The following FIRRM variants were observed in gnomAD, a reference collection of about 807,000 sequenced individuals.
The protein encoded by FIRRM is FIGNL1-interacting regulator of recombination and mitosis.
chr1:169,853,004 G>GAACTGGCAA, the FIRRM span: 2 of 1,612,314 alleles, frequency 1.2e-6, no homozygotes, highest in East Asian at 4.5e-5. Context: ...TCACTAGGCA[G>GAACTGGCAA]AACTGGGTTT....
chr1:169,851,881 T>G, the FIRRM span: 1 of 1,614,096 alleles, frequency 6.2e-7, no homozygotes, highest in Non-Finnish European at 8.5e-7. Flanking sequence ...AAAGGTATTT[T>G]CTGGGAACCC....
At chr1:169,811,209 G>A in the FIRRM span, among the ~76,000 whole-genome samples, 1 of 151,990 alleles carries the variant, frequency 6.6e-6, no homozygotes, top group African/African-American at 2.4e-5. Flanking sequence ...TATTTGTGTG[G>A]CCCTTAGAAC....
At chr1:169,825,875 A>G in the FIRRM span, among the ~76,000 whole-genome samples, 1 of 152,224 alleles carries the variant, frequency 6.6e-6, no homozygotes, top group Admixed American at 6.5e-5. Flanking sequence ...AATGTGGCAA[A>G]AAATATAGAA....
the FIRRM span, chr1:169,795,096 C>T: frequency 1.3e-6 from 2 of 1,534,440 alleles, no homozygotes; most frequent in African/African-American, 1.4e-5. Flanking sequence ...TCCTGTTTGA[C>T]GAAAGTATGT....
At chr1:169,826,135 A>C in the FIRRM span, 188,113 of 258,604 alleles carry the variant, frequency 0.73, 70,241 homozygotes, top group African/African-American at 0.92. Flanking sequence ...TGCAATGGCG[A>C]AATCTCGGCT....
the FIRRM span, chr1:169,829,486 A>G: frequency 6.5e-7 from 1 of 1,533,372 alleles, no homozygotes; most frequent in Non-Finnish European, 8.8e-7. Context: ...CTAAGGTTAC[A>G]CTTTTGCTTT....
the FIRRM span, chr1:169,852,839 G>A: frequency 6.2e-7 from 1 of 1,614,126 alleles, no homozygotes; most frequent in Admixed American, 1.7e-5. Context: ...GAAGAGTACA[G>A]GTCAGCGCTG....
the FIRRM span, among the ~76,000 whole-genome samples, chr1:169,836,168 A>G: frequency 1.1e-4 from 17 of 151,876 alleles, no homozygotes; most frequent in Non-Finnish European, 2.2e-4. Flanking sequence ...ATACACTAAT[A>G]TACTTCCTAG....
the FIRRM span, among the ~76,000 whole-genome samples, chr1:169,789,172 C>T: frequency 6.6e-6 from 1 of 152,138 alleles, no homozygotes; most frequent in Non-Finnish European, 1.5e-5. Flanking sequence ...GCCATCATAA[C>T]CATGGTATAA....
chr1:169,830,576 C>A, the FIRRM span: 2 of 980,154 alleles, frequency 2.0e-6, no homozygotes, highest in South Asian at 1.5e-5. Context: ...ATTATTTGGT[C>A]ATGGAAATAA....
chr1:169,843,568 ATACTT>A, the FIRRM span: 1 of 679,482 alleles, frequency 1.5e-6, no homozygotes, highest in Non-Finnish European at 2.6e-6. Context: ...TAAATATAAA[ATACTT>A]AACATATTAC....
At chr1:169,848,997 T>G in the FIRRM span, among the ~76,000 whole-genome samples, 1 of 152,170 alleles carries the variant, frequency 6.6e-6, no homozygotes, top group Non-Finnish European at 1.5e-5. Context: ...TGAACCAAAC[T>G]AATAAATCCC....
chr1:169,801,731 A>G, the FIRRM span, among the ~76,000 whole-genome samples: 622 of 152,296 alleles, frequency 4.1e-3, 5 homozygotes, highest in African/African-American at 0.013. Context: ...AAGCACAAGC[A>G]TACCTTTTTT....
chr1:169,800,270 C>G, the FIRRM span, among the ~76,000 whole-genome samples: 1 of 151,952 alleles, frequency 6.6e-6, no homozygotes, highest in Non-Finnish European at 1.5e-5. Context: ...GTCTTTAACT[C>G]CTGGGCTCAG....
At chr1:169,833,846 CTTTTTTTTTT>C in the FIRRM span, among the ~76,000 whole-genome samples, 1 of 96,056 alleles carries the variant, frequency 1.0e-5, no homozygotes, top group African/African-American at 4.2e-5. Flanking sequence ...AGTCACTTTC[CTTTTTTTTTT>C]TTTTTTTTTT....
the FIRRM span, among the ~76,000 whole-genome samples, chr1:169,833,756 C>A: frequency 6.8e-6 from 1 of 147,186 alleles, no homozygotes; most frequent in African/African-American, 2.5e-5. Context: ...TGCTTGCTTA[C>A]AAAAGAATTT....
the FIRRM span, chr1:169,795,764 C>A: frequency 1.0e-6 from 1 of 985,296 alleles, no homozygotes; most frequent in Non-Finnish European, 1.2e-6. Context: ...TCCTCCTTCC[C>A]CTCTCAGACC....
the FIRRM span, among the ~76,000 whole-genome samples, chr1:169,811,728 AATAGATAATAGACAGATTATCTAAATAG>A: frequency 6.8e-6 from 1 of 146,632 alleles, no homozygotes; most frequent in Non-Finnish European, 1.5e-5. Flanking sequence ...AGATTATCTA[AATAGATAATAGACAGATTATCTAAATAG>A]ATAATAGACA....
the FIRRM span, chr1:169,853,329 T>TAGAGCTTACTCTTATGTTAAA: frequency 3.0e-6 from 1 of 335,768 alleles, no homozygotes. Context: ...TATTTCATAA[T>TAGAGCTTACTCTTATGTTAAA]AGAGCTTACT....
Sources: gnomAD v4.1 joint callset for allele counts (sites outside exome capture counted in the v4.1 genomes callset) on GRCh38, gnomAD v4.1.1 for gene constraint, MANE v1.5 for transcripts, NCBI Gene and HGNC (gene_info 2026-07-23, HGNC 2026-07-21) for gene names.